The following CDC45 variants were observed in gnomAD, a reference collection of about 807,000 sequenced individuals.
CDC45 encodes the protein cell division cycle 45.
Under a neutral mutation model 77.8 loss-of-function variants are expected in CDC45, and 54 were observed. The observed-to-expected ratio is 0.69, with a 90% CI of 0.56 to 0.87. CDC45 has a LOEUF of 0.87. Among genes scored for constraint, CDC45 ranks in the 40% least tolerant of loss-of-function variants. The pLI, the probability that CDC45 is intolerant of heterozygous loss-of-function variation, is 0.00. For missense variants in CDC45, 649 were observed against 721.6 expected, an observed-to-expected ratio of 0.90 and a Z score of 1.15; for synonymous variants, 260 against 272.1, an observed-to-expected ratio of 0.96 and a Z score of 0.44.
rs537565596 is a variant in CDC45, at chr22:19,513,320, A to G, written c.1218-1429A>G. On this transcript the variant is annotated intron_variant, in intron 13 of 18. Coordinates refer to ENST00000263201, the MANE Select transcript of CDC45 (RefSeq NM_003504.5). The stretch of plus-strand genomic sequence containing the variant: ...TATAAATTGTCTTATCTTTGGTTAC[A>G]GGTTGATTTTAAAAGTTGAAAGTAA... Among the ~76,000 whole-genome samples, 5 of 152,350 alleles carry G rather than the reference A, an allele frequency of 3.3e-5. No individual in the cohort carries two copies. In the South Asian group the frequency reaches 1.0e-3, roughly 32 times the overall value.
Position 19,496,014 on chromosome 22 carries a change from A to C in CDC45, c.576A>C (p.Glu192Asp). Residue 192 changes from glutamate (E) to aspartate (D), a missense_variant, in exon 7 of 19, where the codon GAA (glutamate) becomes GAC (aspartate). By Grantham distance (45) the Glu-to-Asp change is conservative. Coordinates refer to ENST00000263201, the MANE Select transcript of CDC45 (RefSeq NM_003504.5). ...TCCTCTTTGACTACGAGCAGTATGA[A>C]TATCATGGGACATCGGTAAGTATGA... is the stretch of plus-strand genomic sequence containing the variant. Reference protein sequence around the residue: ...RDILFDYEQYEYHGTSSAMVM... With the variant: ...RDILFDYEQYDYHGTSSAMVM... 2 of 1,609,626 alleles carry C rather than the reference A, an allele frequency of 1.2e-6. No homozygotes were observed. The highest frequency in any genetic ancestry group is 1.7e-6 in the Non-Finnish European group (2 of 1,176,040).
intron 5 of CDC45, 48 bp from the exon 6 acceptor site, chr22:19,494,279 T>C (rs2090202221): frequency 1.3e-6 from 2 of 1,559,400 alleles, no homozygotes; most frequent in Non-Finnish European, 1.8e-6. Flanking sequence ...TGGGGATAAA[T>C]TCCTGGTGCA....
intron 16 of CDC45, 84 bp downstream of exon 16, chr22:19,516,729 A>G (rs1716015510): frequency 9.8e-7 from 1 of 1,021,080 alleles, no homozygotes; most frequent in Non-Finnish European, 1.4e-6. Context: ...GTAGAGTGGT[A>G]TTTGCCTCTA....
At chr22:19,480,712 G>A (rs2089966019) in intron 2 of CDC45, among the ~76,000 whole-genome samples, 1 of 152,130 alleles carries the variant, frequency 6.6e-6, no homozygotes, top group Non-Finnish European at 1.5e-5. Context: ...CTTTTCAGAA[G>A]GCCTGGAAGT....
chr22:19,507,906 G>T (rs1383311890), intron 12 of CDC45, 42 bp downstream of exon 12: 1 of 1,310,712 alleles, frequency 7.6e-7, no homozygotes. Context: ...TTACATCCAG[G>T]TTCATTAAAG....
At chr22:19,481,289 T>G (rs542914428) in intron 3 of CDC45, among the ~76,000 whole-genome samples, 1 of 152,384 alleles carries the variant, frequency 6.6e-6, no homozygotes, top group East Asian at 1.9e-4. Flanking sequence ...TTAACTTGTT[T>G]TGCAGAAATT....
At chr22:19,510,135 A>G (rs1013242392) in intron 13 of CDC45, among the ~76,000 whole-genome samples, 5 of 151,802 alleles carry the variant, frequency 3.3e-5, no homozygotes, top group African/African-American at 1.2e-4. Flanking sequence ...CTAATTTTAA[A>G]AATTTTTGTA....
intron 3 of CDC45, 45 bp from the exon 4 acceptor site, chr22:19,482,645 G>T: frequency 6.3e-7 from 1 of 1,593,262 alleles, no homozygotes; most frequent in Non-Finnish European, 8.6e-7. Context: ...AAGGAAAAGG[G>T]GCCTCCTCGA....
At chr22:19,507,631 C>A in intron 11 of CDC45, 114 bp downstream of exon 11, 1 of 1,427,542 alleles carries the variant, frequency 7.0e-7, no homozygotes, top group Non-Finnish European at 9.7e-7. Context: ...CTGCCATAAG[C>A]TCCTTGCCCT....
rs111359910 is a variant in CDC45, at chr22:19,497,451, C to T, written c.653+4C>T. On this transcript the variant is annotated splice_donor_region_variant and intron_variant, in intron 8 of 18. Coordinates refer to ENST00000263201, the MANE Select transcript of CDC45 (RefSeq NM_003504.5). ...AGGACCTGAATGACATGCTGTGGTA[C>T]GTAGCCCCTGCGGCAGCTGTGTGGG... The T allele has an allele frequency of 2.5e-5, 40 of 1,613,076 alleles. No homozygotes were observed. The highest frequency in any genetic ancestry group is 9.3e-5 in the African/African-American group (7 of 74,926).
chr22:19,481,077 T>C (rs763365216), intron 3 of CDC45, 32 bp downstream of exon 3: 1 of 1,385,530 alleles, frequency 7.2e-7, no homozygotes, highest in African/African-American at 1.4e-5. Context: ...ATAACGTGGC[T>C]TTTTACTCAA....
At chr22:19,484,066 A>G (rs2090027674) in intron 5 of CDC45, 61 bp downstream of exon 5, 1 of 1,509,836 alleles carries the variant, frequency 6.6e-7, no homozygotes, top group African/African-American at 1.4e-5. Context: ...GTCGGAGGTC[A>G]TCCTGAAGCC....
chr22:19,504,557 C>T (rs1285617087), intron 9 of CDC45, among the ~76,000 whole-genome samples: 1 of 152,056 alleles, frequency 6.6e-6, no homozygotes, highest in South Asian at 2.1e-4. Flanking sequence ...CCTTGGCCTC[C>T]CAAAGTGCTG....
At chr22:19,502,693 A>G (rs1210900239) in intron 9 of CDC45, among the ~76,000 whole-genome samples, 2 of 152,264 alleles carry the variant, frequency 1.3e-5, no homozygotes, top group African/African-American at 4.8e-5. Context: ...AAAATTTTGA[A>G]TAAAGCAGTT....
At chr22:19,498,146 C>G (rs1421702334) in intron 8 of CDC45, among the ~76,000 whole-genome samples, 1 of 152,104 alleles carries the variant, frequency 6.6e-6, no homozygotes, top group Non-Finnish European at 1.5e-5. Flanking sequence ...TACACTCCAG[C>G]CTGGGCGACA....
intron 9 of CDC45, among the ~76,000 whole-genome samples, chr22:19,504,386 G>A (rs13447240): frequency 0.047 from 7,179 of 152,214 alleles, 225 homozygotes; most frequent in Middle Eastern, 0.15. Context: ...CGCAACCTCC[G>A]CCTCCCAGAT....
Position 19,482,785 on chromosome 22 carries a change from C to G in CDC45, c.300C>G (p.Thr100=). ...ACACTATATTCTTTGTGTGTGACAC[C>G]CATAGGCCAGTCAATGTCGTCAATG... ...DEDTIFFVCD[T]HRPVNVVNVY... is the part of the protein sequence containing the mutation. Residue 100 remains threonine (T), a synonymous_variant, in exon 4 of 19, where the codon ACC becomes ACG. Transcript: ENST00000263201. 6.2e-7 allele frequency: 1 copy of G among 1,613,564 alleles called. No individual in the cohort carries two copies. The highest frequency in any genetic ancestry group is 8.5e-7 in the Non-Finnish European group (1 of 1,179,580).
intron 5 of CDC45, among the ~76,000 whole-genome samples, chr22:19,485,452 C>T (rs112521285): frequency 0.035 from 5,315 of 152,166 alleles, 130 homozygotes; most frequent in African/African-American, 0.063. Flanking sequence ...CAAGAGGATT[C>T]CTGGGCAGAG....
intron 4 of CDC45, 94 bp from the exon 5 acceptor site, chr22:19,483,768 C>G: frequency 4.1e-6 from 5 of 1,209,296 alleles, no homozygotes; most frequent in Non-Finnish European, 4.7e-6. Context: ...ACTGAGTCAG[C>G]TTATTAGGAA....
Sources: allele counts gnomAD v4.1 joint callset (sites outside exome capture counted in the v4.1 genomes callset), GRCh38; gene constraint gnomAD v4.1.1; transcripts MANE v1.5; gene names NCBI Gene and HGNC (gene_info 2026-07-23, HGNC 2026-07-21).